Variants in SARS2 observed in about 807,000 individuals in gnomAD.
The protein encoded by SARS2 is seryl-tRNA synthetase 2, mitochondrial.
SARS2 carries 52 observed loss-of-function variants against 66.8 expected under a neutral mutation model. That is an observed-to-expected ratio of 0.78 (90% confidence interval 0.62 to 0.98). The LOEUF is 0.98. Among genes scored for constraint, SARS2 ranks in the 50% least tolerant of loss-of-function variants. The probability of loss-of-function intolerance (pLI) is 0.00; values close to 1 mark genes in which losing one functional copy is unlikely to be tolerated. For missense variants in SARS2, 673 were observed against 706.3 expected (o/e 0.95, Z 0.53); for synonymous variants, 306 against 281.4 (o/e 1.09, Z -0.87).
chr19:38,922,060 C>G (rs1189873425), intron 3 of SARS2, 178 bp downstream of exon 3: 2 of 1,565,350 alleles, frequency 1.3e-6, no homozygotes, highest in South Asian at 2.3e-5. Context: ...ATGGAGCCAG[C>G]ACCTGGATCC....
intron 1 of SARS2, among the ~76,000 whole-genome samples, chr19:38,929,106 A>G (rs758485907): frequency 6.6e-6 from 1 of 151,940 alleles, no homozygotes; most frequent in Non-Finnish European, 1.5e-5. Flanking sequence ...AATCCCAGCT[A>G]CTCGGGAGGC....
chr19:38,915,313 G>T lies in SARS2; in HGVS notation c.*293C>A. 3.6e-6 allele frequency: 2 copies of T among 550,102 alleles called. No homozygotes were observed. Among genetic ancestry groups the T allele is most frequent in the Non-Finnish European group, 6.5e-6 (2 of 310,038 alleles). 34.1% of individuals were successfully genotyped at this position (550,102 alleles called of 1,614,324 possible). ...GACTTTTTGCTCAGCACTGTAGGAGGAAAGAAGGAAGGAGGGATGGAAGCC... is the reference window on the plus strand; with the variant it reads ...GACTTTTTGCTCAGCACTGTAGGAGTAAAGAAGGAAGGAGGGATGGAAGCC... On this transcript the variant is annotated 3_prime_UTR_variant, in exon 16 of 16. Transcript: ENST00000221431.
chr19:38,918,446 C>T lies in SARS2; in HGVS notation c.892G>A (p.Gly298Arg). ...CCTGCAAGCCCCACCTCCGCTGTTC[C>T]AGCCAGGTTGAGATCTTTGAAGCGG... ...PARFKDLNLA[G>R]TAEVGLAGYF... The change falls in exon 9 of 16, where the codon GGA (glycine) becomes AGA (arginine). Residue 298 changes from glycine (G) to arginine (R), a missense_variant. By Grantham distance (125) the Gly-to-Arg change is moderately radical. Transcript: ENST00000221431. 2 of 1,614,154 alleles carry T rather than the reference C, an allele frequency of 1.2e-6. No individual in the cohort carries two copies. Among genetic ancestry groups the T allele is most frequent in the Non-Finnish European group, 1.7e-6 (2 of 1,179,974 alleles).
intron 12 of SARS2, among the ~76,000 whole-genome samples, chr19:38,916,664 GTT>G (rs71165593): frequency 1.5e-5 from 2 of 133,816 alleles, no homozygotes; most frequent in East Asian, 2.2e-4. Context: ...GGCACCCTCG[GTT>G]TTTTTTTTTT....
chr19:38,918,783 G>C lies in SARS2; in HGVS notation c.790C>G (p.Leu264Val), dbSNP rs1400964032. 1 of 1,562,120 alleles carries C rather than the reference G, an allele frequency of 6.4e-7. No individual in the cohort carries two copies. The highest frequency in any genetic ancestry group is 1.2e-5 in the South Asian group (1 of 84,776). ...TCACTCACAAACACTGCTCCGCGGAGAAGGTCTGGCACCGTCATGGGGGTG... is the reference window on the plus strand; with the variant it reads ...TCACTCACAAACACTGCTCCGCGGACAAGGTCTGGCACCGTCATGGGGGTG... ...GFTPMTVPDL[L>V]RGAVFEGCGM... The change falls in exon 8 of 16, where the codon CTC (leucine) becomes GTC (valine). Residue 264 changes from leucine to valine, a missense_variant. Leu to Val is a conservative substitution (Grantham distance 32). Coordinates refer to ENST00000221431, the MANE Select transcript of SARS2 (RefSeq NM_017827.4).
chr19:38,919,936 CG>C (rs1974488836), intron 6 of SARS2, 69 bp from the exon 7 acceptor site: 1 of 1,469,434 alleles, frequency 6.8e-7, no homozygotes, highest in Non-Finnish European at 9.4e-7. Flanking sequence ...TGAAAACACC[CG>C]GGGGAAGAGG....
At chr19:38,920,628 TACAGACAC>T (rs1974503975) in intron 5 of SARS2, among the ~76,000 whole-genome samples, 1 of 145,426 alleles carries the variant, frequency 6.9e-6, no homozygotes, top group African/African-American at 2.6e-5. Flanking sequence ...CACACACATA[TACAGACAC>T]ACAGAGACAG....
Position 38,917,545 on chromosome 19 carries a change from C to T in SARS2, c.1160+179G>A, listed in dbSNP as rs376571445. ...GCTTCTGTTACAGTCCTGTGAGGGA[C>T]GACCGGCACACGGCAGACAGATTGG... On this transcript the variant is annotated intron_variant, in intron 12 of 15. Coordinates refer to ENST00000221431, the MANE Select transcript of SARS2 (RefSeq NM_017827.4). Among the ~76,000 whole-genome samples the T allele has an allele frequency of 4.6e-5, 7 of 152,210 alleles. No individual in the cohort carries two copies. In the East Asian group the frequency reaches 7.7e-4, roughly 17 times the overall value.
intron 2 of SARS2, 46 bp from the exon 3 acceptor site, chr19:38,922,313 G>C: frequency 6.3e-7 from 1 of 1,598,700 alleles, no homozygotes; most frequent in Non-Finnish European, 8.6e-7. Context: ...ACAAAGTCGA[G>C]GGTGGGGAAG....
rs772172932 is a variant in SARS2, at chr19:38,917,688, C to T, written c.1160+36G>A. On this transcript the variant is annotated intron_variant, in intron 12 of 15. Coordinates refer to ENST00000221431, the MANE Select transcript of SARS2 (RefSeq NM_017827.4). ...GCCCCTTGTCCCTCCCCTACCCCAC[C>T]CCTGCCATCCCTGGATCCCTGGCCC... 5.5e-6 allele frequency: 6 copies of T among 1,098,640 alleles called. No individual in the cohort carries two copies. In the South Asian group the frequency reaches 6.2e-5, roughly 11 times the overall value. The allele number at this position is 1,098,640 out of a possible 1,614,324, so 68.1% of individuals were successfully genotyped here.
intron 12 of SARS2, 21 bp downstream of exon 12, chr19:38,917,703 A>G: frequency 1.3e-5 from 14 of 1,065,210 alleles, no homozygotes; most frequent in East Asian, 2.5e-5. Flanking sequence ...CCATCCCTGG[A>G]TCCCTGGCCC....
Position 38,930,686 on chromosome 19 carries a change from C to T in SARS2, c.51G>A (p.Gly17=), listed in dbSNP as rs779390758. 3 of 1,613,964 alleles carry T rather than the reference C, an allele frequency of 1.9e-6. No homozygotes were observed. Among genetic ancestry groups the T allele is most frequent in the South Asian group, 1.1e-5 (1 of 91,086 alleles). ...AGATGCAGCCTCCCCGGGGCCGGAA[C>T]CCCCGACGAGTCAGCAAAGGCCACA... ...RRLWPLLTRR[G]FRPRGGCISN... The change falls in exon 1 of 16, where the codon GGG becomes GGA. Residue 17 remains glycine, a synonymous_variant. Coordinates refer to ENST00000221431, the MANE Select transcript of SARS2 (RefSeq NM_017827.4).
At chr19:38,917,647 GAAGAGCAGCTGGCC>G (rs1477996584) in intron 12 of SARS2, 63 bp downstream of exon 12, 3 of 936,970 alleles carry the variant, frequency 3.2e-6, no homozygotes, top group Non-Finnish European at 5.2e-6. Context: ...GTTCCAGAGC[GAAGAGCAGCTGGCC>G]AGCCCCTTGT....
At chr19:38,917,465 G>C (rs1974436996) in intron 12 of SARS2, among the ~76,000 whole-genome samples, 1 of 152,230 alleles carries the variant, frequency 6.6e-6, no homozygotes, top group African/African-American at 2.4e-5. Flanking sequence ...GAGAGGGGGA[G>C]CAGCAGGAGG....
rs1230303020 is a variant in SARS2 at position 38,930,602 on chromosome 19, G to T, written c.135C>A (p.Tyr45Ter). Residue 45 changes from tyrosine (Y) to a stop codon, truncating the protein, a stop_gained, in exon 1 of 16, where the codon TAC becomes TAA. Transcript: ENST00000221431. LOFTEE classifies it high-confidence loss of function. ...TTEKRNRNLL[Y>*]EYAREGYSAL... The stretch of plus-strand genomic sequence containing the variant: ...CGCTGTAGCCCTCGCGCGCATACTC[G>T]TACAGGAGGTTCCGGTTTCGTTTCT... 2 of 1,613,962 alleles carry T rather than the reference G, an allele frequency of 1.2e-6. No individual in the cohort carries two copies. The highest frequency in any genetic ancestry group is 1.6e-4 in the Middle Eastern group (1 of 6,084).
chr19:38,925,908 C>T (rs984866027), intron 2 of SARS2, among the ~76,000 whole-genome samples: 6 of 152,136 alleles, frequency 3.9e-5, no homozygotes, highest in Admixed American at 2.6e-4. Flanking sequence ...CTTCCGCCTC[C>T]TAGGTTCAAG....
At chr19:38,924,804 G>A (rs931303082) in intron 2 of SARS2, among the ~76,000 whole-genome samples, 4 of 152,076 alleles carry the variant, frequency 2.6e-5, no homozygotes, top group South Asian at 2.1e-4. Flanking sequence ...CCCCATACCC[G>A]GCCATTTAGG....
rs773784805 is a variant in SARS2, at chr19:38,930,477, G to A, written c.260C>T (p.Pro87Leu). The A allele has an allele frequency of 5.6e-6, 9 of 1,597,024 alleles. No homozygotes were observed. Among genetic ancestry groups the A allele is most frequent in the South Asian group, 5.5e-5 (5 of 90,884 alleles). Residue 87 changes from proline (P) to leucine (L), a missense_variant, in exon 1 of 16, where the codon CCC (proline) becomes CTC (leucine). Transcript: ENST00000221431. The stretch of plus-strand genomic sequence containing the variant: ...CGGCGCAGGCGCACTCACGATCGCG[G>A]GCAGGTCCGCCGAGCGCAGCTCCCC... Reference protein sequence around the residue: ...RKGELRSADLPAIISTWQELR... With the variant: ...RKGELRSADLLAIISTWQELR...
At chr19:38,930,413 C>T (rs750304485) in intron 1 of SARS2, 57 bp downstream of exon 1, 51 of 1,538,924 alleles carry the variant, frequency 3.3e-5, no homozygotes, top group Non-Finnish European at 4.2e-5. Flanking sequence ...ATCTTGCAAA[C>T]CCAATTCTTC....
Sources: gnomAD v4.1 joint callset for allele counts (sites outside exome capture counted in the v4.1 genomes callset) on GRCh38, gnomAD v4.1.1 for gene constraint, MANE v1.5 for transcripts, NCBI Gene and HGNC (gene_info 2026-07-23, HGNC 2026-07-21) for gene names.